The following ZNF41 variants were observed in gnomAD, a reference collection of about 807,000 sequenced individuals.
ZNF41 encodes the protein zinc finger protein 41.
Under a neutral mutation model 9.3 loss-of-function variants are expected in ZNF41, and 6 were observed. The ratio of observed to expected loss-of-function variants is 0.65; its 90% confidence interval spans 0.35 to 1.28. ZNF41 has a LOEUF of 1.28. Among genes scored for constraint, ZNF41 ranks in the 50% most tolerant of loss-of-function variants. The probability of loss-of-function intolerance (pLI) is 0.03; values close to 1 mark genes in which losing one functional copy is unlikely to be tolerated. For missense variants in ZNF41, 523 were observed against 585.8 expected (o/e 0.89, Z 1.11); for synonymous variants, 192 against 207.1 (o/e 0.93, Z 0.63).
chrX:47,460,971 A>G (rs974400157), intron 2 of ZNF41, among the ~76,000 whole-genome samples: 2 of 112,092 alleles, frequency 1.8e-5, no homozygotes, highest in Admixed American at 9.6e-5. Flanking sequence ...TAGTGGCGTT[A>G]TTCAAAATAT....
chrX:47,460,983 T>C (rs1186375142), intron 2 of ZNF41, among the ~76,000 whole-genome samples: 1 of 112,059 alleles, frequency 8.9e-6, no homozygotes, highest in East Asian at 2.8e-4. Context: ...TCAAAATATG[T>C]ATAATATTTC....
At chrX:47,482,778 A>G (rs1201922064) in intron 1 of ZNF41, 2 of 112,307 alleles carry the variant, frequency 1.8e-5, no homozygotes, top group Non-Finnish European at 3.8e-5. Context: ...CCCCTGTGGG[A>G]TTTTCCAGTG....
intron 1 of ZNF41, among the ~76,000 whole-genome samples, chrX:47,480,922 G>A (rs1196865625): frequency 9.1e-6 from 1 of 109,321 alleles, no homozygotes; most frequent in East Asian, 2.8e-4. Flanking sequence ...CAAAAGTTTT[G>A]GAAAGTAGTT....
In ZNF41 at chrX:47,447,530, T is replaced by C. The variant is rs759954034; in HGVS notation, c.2240A>G (p.Tyr747Cys). The C allele has an allele frequency of 2.5e-6, 3 of 1,212,011 alleles. No homozygotes were observed. The highest frequency in any genetic ancestry group is 4.3e-5 in the Admixed American group (2 of 46,019). The change falls in exon 5 of 5, where the codon TAT (tyrosine) becomes TGT (cysteine). Residue 747 changes from tyrosine (Y) to cysteine (C), a missense_variant. Coordinates refer to ENST00000684689, the MANE Select transcript of ZNF41 (RefSeq NM_001324144.2). ...GGCCTTCTGACATTCTGTACAAGCATAAGGTTTCTTTCCTGTATGAATTAT... is the reference window on the plus strand; with the variant it reads ...GGCCTTCTGACATTCTGTACAAGCACAAGGTTTCTTTCCTGTATGAATTAT... ...HQIIHTGKKPYACTECQKAFT... is the reference protein window; with the variant it reads ...HQIIHTGKKPCACTECQKAFT...
At chrX:47,468,660 C>A (rs1217681940) in intron 1 of ZNF41, among the ~76,000 whole-genome samples, 2 of 111,362 alleles carry the variant, frequency 1.8e-5, no homozygotes, top group African/African-American at 6.5e-5. Flanking sequence ...CAAAGCAACT[C>A]ACACAGTACT....
Position 47,447,379 on chromosome X carries a change from CT to C in ZNF41, c.*50del. The C allele has an allele frequency of 8.3e-7, 1 of 1,199,747 alleles. No homozygotes were observed. The highest frequency in any genetic ancestry group is 1.7e-5 in the African/African-American group (1 of 57,640). ...CAGCAACAGGCCTTCCTCCTCCCTG[CT>C]ATTAGATACCTGATGCATACCCAGT... On this transcript the variant is annotated 3_prime_UTR_variant, in exon 5 of 5. Transcript: ENST00000684689.
intron 2 of ZNF41, among the ~76,000 whole-genome samples, chrX:47,464,245 C>T (rs1049877792): frequency 1.8e-5 from 2 of 111,448 alleles, no homozygotes; most frequent in East Asian, 2.8e-4. Context: ...CTGGCTCCAG[C>T]GTCTGACTCA....
intron 1 of ZNF41, among the ~76,000 whole-genome samples, chrX:47,471,468 A>AT (rs2057192746): frequency 9.1e-6 from 1 of 109,756 alleles, no homozygotes; most frequent in Non-Finnish European, 1.9e-5. Context: ...AAAAAAAAAA[A>AT]GAAAAGACTA....
At chrX:47,470,310 G>T (rs935562928) in intron 1 of ZNF41, among the ~76,000 whole-genome samples, 1 of 107,756 alleles carries the variant, frequency 9.3e-6, no homozygotes, top group African/African-American at 3.4e-5. Context: ...TACTCAGGAG[G>T]TTGAGGCAGG....
chrX:47,480,426 T>A (rs1317785376), intron 1 of ZNF41, among the ~76,000 whole-genome samples: 1 of 111,419 alleles, frequency 9.0e-6, no homozygotes, highest in Non-Finnish European at 1.9e-5. Flanking sequence ...CCAGTTAGAT[T>A]AAAATTTAAC....
chrX:47,467,236 T>A, intron 2 of ZNF41, 174 bp downstream of exon 2: 1 of 1,059,222 alleles, frequency 9.4e-7, no homozygotes, highest in Non-Finnish European at 1.3e-6. Flanking sequence ...TGTGGCCTCA[T>A]CAGCCAAGTG....
chrX:47,466,715 C>G (rs6608726), intron 2 of ZNF41, among the ~76,000 whole-genome samples: 26,543 of 108,978 alleles, frequency 0.24, 2,730 homozygotes, highest in South Asian at 0.39. Flanking sequence ...GATGGGGGTT[C>G]GCCACGTTGG....
Position 47,447,533 on chromosome X carries a change from G to C in ZNF41, c.2237C>G (p.Pro746Arg). 1.7e-6 allele frequency: 2 copies of C among 1,211,728 alleles called. No individual in the cohort carries two copies. The highest frequency in any genetic ancestry group is 2.2e-6 in the Non-Finnish European group (2 of 895,468). Residue 746 changes from proline (P) to arginine (R), a missense_variant, in exon 5 of 5, where the codon CCT (proline) becomes CGT (arginine). Transcript: ENST00000684689. Reference protein sequence around the residue: ...MHQIIHTGKKPYACTECQKAF... With the variant: ...MHQIIHTGKKRYACTECQKAF... ...CTTCTGACATTCTGTACAAGCATAA[G>C]GTTTCTTTCCTGTATGAATTATCTG...
intron 4 of ZNF41, among the ~76,000 whole-genome samples, chrX:47,449,828 A>G (rs1218764848): frequency 8.9e-6 from 1 of 111,829 alleles, no homozygotes; most frequent in Admixed American, 9.5e-5. Context: ...GAATAGCTAA[A>G]TAAGTGGGAG....
chrX:47,455,779 T>C (rs965721223), intron 4 of ZNF41, 142 bp downstream of exon 4: 1 of 551,112 alleles, frequency 1.8e-6, no homozygotes, highest in African/African-American at 2.3e-5. Context: ...TTGAGGGCTA[T>C]TGTCAACTAT....
At position 47,447,464 on chromosome X, in the gene ZNF41, T is replaced by A; in HGVS notation, c.2306A>T (p.His769Leu). Reference protein sequence around the residue: ...RSNLIKHQKMHSGEKRYKASD With the variant: ...RSNLIKHQKMLSGEKRYKASD ...GGCTTTATAGCGTTTTTCTCCACTA[T>A]GCATTTTCTGGTGTTTAATGAGATT... Residue 769 changes from histidine to leucine, a missense_variant, in exon 5 of 5, where the codon CAT (histidine) becomes CTT (leucine). Physicochemically the swap from His to Leu is moderately conservative, Grantham distance 99 (BLOSUM62 -3). Coordinates refer to ENST00000684689, the MANE Select transcript of ZNF41 (RefSeq NM_001324144.2). The A allele has an allele frequency of 7.4e-6, 9 of 1,211,630 alleles. No homozygotes were observed. Among genetic ancestry groups the A allele is most frequent in the Non-Finnish European group, 1.0e-5 (9 of 895,515 alleles).
At chrX:47,455,891 T>C in intron 4 of ZNF41, 30 bp downstream of exon 4, 4 of 1,162,714 alleles carry the variant, frequency 3.4e-6, no homozygotes, top group Non-Finnish European at 4.7e-6. Flanking sequence ...GACTTCCATG[T>C]CCCCATCTGT....
intron 1 of ZNF41, among the ~76,000 whole-genome samples, chrX:47,468,378 A>G (rs2057061672): frequency 9.0e-6 from 1 of 111,687 alleles, no homozygotes; most frequent in Admixed American, 9.6e-5. Flanking sequence ...TGTGTAATTC[A>G]GTGTACATTC....
chrX:47,471,357 G>C (rs1311070419), intron 1 of ZNF41, among the ~76,000 whole-genome samples: 1 of 109,842 alleles, frequency 9.1e-6, no homozygotes, highest in African/African-American at 3.3e-5. Flanking sequence ...GCTGAGGCAG[G>C]AGAATTGCTT....
Sources: gnomAD v4.1 joint callset for allele counts (sites outside exome capture counted in the v4.1 genomes callset) on GRCh38, gnomAD v4.1.1 for gene constraint, MANE v1.5 for transcripts, NCBI Gene and HGNC (gene_info 2026-07-23, HGNC 2026-07-21) for gene names.